The following ANKRD26 variants were observed in gnomAD, a reference collection of about 807,000 sequenced individuals.
ANKRD26 encodes the protein ankyrin repeat domain 26, also known as ankyrin repeat domain-containing protein 26.
Under a neutral mutation model 208.7 loss-of-function variants are expected in ANKRD26, and 141 were observed. The ratio of observed to expected loss-of-function variants is 0.68; its 90% CI spans 0.59 to 0.78. The LOEUF (loss-of-function observed/expected upper bound fraction) is 0.78. Among genes scored for constraint, ANKRD26 ranks in the 30% least tolerant of loss-of-function variants. The pLI is 0.00. For missense variants in ANKRD26, 1,889 were observed against 1,938.7 expected, an observed-to-expected ratio of 0.97 and a Z score of 0.48; for synonymous variants, 636 against 660.4, an observed-to-expected ratio of 0.96 and a Z score of 0.57.
chr10:27,018,917 A>G (rs980413742), intron 29 of ANKRD26, among the ~76,000 whole-genome samples: 1 of 152,238 alleles, frequency 6.6e-6, no homozygotes, highest in African/African-American at 2.4e-5. Context: ...GCTTCAGGAC[A>G]TTGGTCTAGG....
In ANKRD26 at chr10:27,100,421, C is replaced by A. The variant is rs2056613884; in HGVS notation, c.-95G>T. 1.3e-6 allele frequency: 2 copies of A among 1,549,796 alleles called. No homozygotes were observed. Among genetic ancestry groups the A allele is most frequent in the South Asian group, 2.3e-5 (2 of 85,414 alleles). ...ATAACAAGTCAGCCCCGGCTGGCCG[C>A]AGCCTCCCAAAGGAAACTCCGCGGT... is the stretch of plus-strand genomic sequence containing the variant. On this transcript the variant is annotated 5_prime_UTR_variant, in exon 1 of 34. Coordinates refer to ENST00000376087, the MANE Select transcript of ANKRD26 (RefSeq NM_014915.3).
intron 15 of ANKRD26, among the ~76,000 whole-genome samples, chr10:27,054,794 A>C (rs527236874): frequency 6.6e-6 from 1 of 152,314 alleles, no homozygotes; most frequent in African/African-American, 2.4e-5. Context: ...CCAGCAGTTG[A>C]GTAATCCCAG....
intron 20 of ANKRD26, among the ~76,000 whole-genome samples, chr10:27,041,246 G>A (rs2054229698): frequency 6.6e-6 from 1 of 151,830 alleles, no homozygotes; most frequent in Admixed American, 6.6e-5. Flanking sequence ...GGAGCGAGAG[G>A]TACAGAGAAC....
At chr10:27,009,987 A>G (rs74972257) in intron 32 of ANKRD26, among the ~76,000 whole-genome samples, 2,508 of 152,332 alleles carry the variant, frequency 0.016, 155 homozygotes, top group East Asian at 0.16. Flanking sequence ...TTTTCAAACT[A>G]TGTCCCACAG....
Position 27,033,222 on chromosome 10 carries a change from T to A in ANKRD26, c.3807+3A>T. The A allele has an allele frequency of 6.2e-7, 1 of 1,605,966 alleles. No individual in the cohort carries two copies. Among genetic ancestry groups the A allele is most frequent in the South Asian group, 1.1e-5 (1 of 90,542 alleles). On this transcript the variant is annotated splice_donor_region_variant and intron_variant, in intron 25 of 33. Coordinates refer to ENST00000376087, the MANE Select transcript of ANKRD26 (RefSeq NM_014915.3). ...TGTTTGACATGTTAAATTTCATACA[T>A]ACTTGATTTCTGATTTGACCTAATT...
chr10:26,958,110 T>C, the ANKRD26 span, among the ~76,000 whole-genome samples: 10 of 150,558 alleles, frequency 6.6e-5, no homozygotes, highest in Non-Finnish European at 1.5e-4. Flanking sequence ...TGAGACAGAG[T>C]GTTGCTCTGT....
chr10:27,039,281 G>A (rs2054148732), intron 21 of ANKRD26, among the ~76,000 whole-genome samples: 1 of 151,838 alleles, frequency 6.6e-6, no homozygotes, highest in African/African-American at 2.4e-5. Context: ...GTGAAACCCC[G>A]TCTCTACTAA....
intron 1 of ANKRD26, among the ~76,000 whole-genome samples, chr10:27,097,797 G>A (rs10829180): frequency 0.5 from 75,512 of 151,834 alleles, 21,562 homozygotes; most frequent in Non-Finnish European, 0.65. Context: ...GAGACTACAG[G>A]TGTGTACCAC....
At chr10:27,059,224 GTTT>G (rs1476245171) in intron 15 of ANKRD26, among the ~76,000 whole-genome samples, 9 of 152,096 alleles carry the variant, frequency 5.9e-5, no homozygotes, top group South Asian at 2.1e-4. Context: ...TGATTTTTAT[GTTT>G]ATTATTGTTT....
In ANKRD26 at chr10:27,067,029, A is replaced by T. The variant is rs557963995; in HGVS notation, c.1207+128T>A. On this transcript the variant is annotated intron_variant, in intron 10 of 33. Coordinates refer to ENST00000376087, the MANE Select transcript of ANKRD26 (RefSeq NM_014915.3). ...ATCATGTTGGCTAGGCTGGTCTCGAACTCCTGACCTCAGGTGATCCACCTG... is the reference window on the plus strand; with the variant it reads ...ATCATGTTGGCTAGGCTGGTCTCGATCTCCTGACCTCAGGTGATCCACCTG... 4.4e-4 allele frequency: 441 copies of T among 1,013,480 alleles called. 1 individual carries two copies. Among genetic ancestry groups the T allele is most frequent in the Non-Finnish European group, 6.0e-4 (401 of 667,586 alleles). 62.8% of individuals were successfully genotyped at this position (1,013,480 alleles called of 1,614,324 possible).
intron 30 of ANKRD26, among the ~76,000 whole-genome samples, chr10:27,015,220 A>C (rs1032413058): frequency 6.6e-6 from 1 of 152,256 alleles, no homozygotes; most frequent in African/African-American, 2.4e-5. Flanking sequence ...AAGTAAATTA[A>C]AGCAATCATC....
chr10:27,022,787 T>C, intron 28 of ANKRD26, 100 bp from the exon 29 acceptor site: 1 of 1,084,318 alleles, frequency 9.2e-7, no homozygotes, highest in Middle Eastern at 2.7e-4. Context: ...GAAAAACAAA[T>C]GAATCATGAT....
At chr10:27,085,285 G>C (rs2056075680) in intron 5 of ANKRD26, among the ~76,000 whole-genome samples, 2 of 151,968 alleles carry the variant, frequency 1.3e-5, no homozygotes, top group East Asian at 1.9e-4. Context: ...ATTTTTAGTA[G>C]AGACGGGGTT....
At chr10:26,976,759 C>T (rs2052233822) in intron 5 of ANKRD26, among the ~76,000 whole-genome samples, 1 of 152,200 alleles carries the variant, frequency 6.6e-6, no homozygotes, top group African/African-American at 2.4e-5. Context: ...CGTGGCACAG[C>T]AGCCAGGATG....
intron 16 of ANKRD26, among the ~76,000 whole-genome samples, chr10:27,050,219 C>CAAAAAAAAAAAAAAAAAAAAAAAA (rs67384671): frequency 1.2e-4 from 4 of 33,038 alleles, no homozygotes; most frequent in African/African-American, 3.6e-4. Context: ...GAATCTGTCT[C>CAAAAAAAAAAAAAAAAAAAAAAAA]AAAAAAAAAA....
chr10:26,955,506 T>C, the ANKRD26 span, among the ~76,000 whole-genome samples: 14 of 152,266 alleles, frequency 9.2e-5, no homozygotes, highest in Admixed American at 1.3e-4. Context: ...TATATATATA[T>C]GTGTATAAAT....
the ANKRD26 span, among the ~76,000 whole-genome samples, chr10:26,957,675 A>T: frequency 1.3e-5 from 2 of 152,222 alleles, no homozygotes; most frequent in Non-Finnish European, 2.9e-5. Context: ...GATAAGATTA[A>T]CACTCTCTGG....
At chr10:26,994,410 A>G (rs906352693) in intron 5 of ANKRD26, among the ~76,000 whole-genome samples, 1 of 152,202 alleles carries the variant, frequency 6.6e-6, no homozygotes, top group Non-Finnish European at 1.5e-5. Context: ...AACATATTCC[A>G]TAAGGGGCAT....
chr10:27,092,287 A>G, intron 4 of ANKRD26, 119 bp downstream of exon 4: 2 of 704,588 alleles, frequency 2.8e-6, no homozygotes, highest in Non-Finnish European at 4.9e-6. Flanking sequence ...ACACCAACGA[A>G]TCACTGTTGC....
Sources: allele counts gnomAD v4.1 joint callset (sites outside exome capture counted in the v4.1 genomes callset), GRCh38; gene constraint gnomAD v4.1.1; transcripts MANE v1.5; gene names NCBI Gene and HGNC (gene_info 2026-07-23, HGNC 2026-07-21).